CAPN2: variants seen among roughly 807,000 people sequenced by gnomAD.
CAPN2 encodes the protein calpain-2 catalytic subunit.
Under a neutral mutation model 102.3 loss-of-function variants are expected in CAPN2, and 92 were observed. The ratio of observed to expected loss-of-function variants is 0.90; its 90% CI spans 0.76 to 1.07. The LOEUF is 1.07. CAPN2 is among the 50% of genes least tolerant of loss of function. CAPN2 has a pLI of 0.00. For synonymous variants in CAPN2, 340 were observed against 355.4 expected (o/e 0.96, Z 0.49); for missense variants, 800 against 909.4 (o/e 0.88, Z 1.55).
At chr1:223,715,271 A>C (rs28370012) in intron 1 of CAPN2, among the ~76,000 whole-genome samples, 16,618 of 152,194 alleles carry the variant, frequency 0.11, 1,552 homozygotes, top group African/African-American at 0.23. Context: ...AGAGTAAAGG[A>C]ACTGGAAATT....
chr1:223,774,909 A>C lies in CAPN2; in HGVS notation c.*52A>C. On this transcript the variant is annotated 3_prime_UTR_variant, in exon 21 of 21. Transcript: ENST00000295006. ...TCTCATGATGGAAAATCAGCCAAGG[A>C]CTAAGCTTCCATAGAAATACACTTT... The C allele has an allele frequency of 6.6e-7, 1 of 1,504,940 alleles. No individual in the cohort carries two copies. Among genetic ancestry groups the C allele is most frequent in the South Asian group, 1.2e-5 (1 of 86,878 alleles). The allele number at this position is 1,504,940 out of a possible 1,614,324, so 93.2% of individuals were successfully genotyped here. A position where few individuals can be genotyped will look rare whatever the true frequency, so the allele number is the denominator to read the frequency against.
intron 4 of CAPN2, among the ~76,000 whole-genome samples, chr1:223,746,772 G>C (rs1022340586): frequency 2.6e-5 from 4 of 152,032 alleles, no homozygotes; most frequent in Non-Finnish European, 5.9e-5. Flanking sequence ...GAGCTACCGC[G>C]CCCGGCCTGA....
intron 16 of CAPN2, 112 bp downstream of exon 16, chr1:223,766,543 CT>C: frequency 2.3e-6 from 2 of 852,178 alleles, no homozygotes; most frequent in Non-Finnish European, 3.9e-6. Context: ...TTGTTCCCAA[CT>C]TGCTGAGTTG....
At position 223,730,010 on chromosome 1, in the gene CAPN2, C is replaced by CAAAA. The variant is rs57382658; in HGVS notation, c.307+12201_307+12204dup. On this transcript the variant is annotated intron_variant, in intron 2 of 20. Coordinates refer to ENST00000295006, the MANE Select transcript of CAPN2 (RefSeq NM_001748.5). ...AGAGCAAGACTCGCTCCCAAAAAACCAAAAAAAAAAAAAAAAAAAAAAAAA... is the reference window on the plus strand; with the variant it reads ...AGAGCAAGACTCGCTCCCAAAAAACCAAAAAAAAAAAAAAAAAAAAAAAAAAAAA... Among the ~76,000 whole-genome samples, 37 of 79,052 alleles carry CAAAA rather than the reference C, an allele frequency of 4.7e-4. 1 individual carries two copies. Among genetic ancestry groups the CAAAA allele is most frequent in the East Asian group, 1.4e-3 (3 of 2,206 alleles). 51.9% of individuals were successfully genotyped at this position (79,052 alleles called of 152,430 possible). A position where few individuals can be genotyped will look rare whatever the true frequency, so the allele number is the denominator to read the frequency against.
rs1661332733 is a variant in CAPN2, at chr1:223,766,431, T to C, written c.1755T>C (p.Asp585=). 6.2e-7 allele frequency: 1 copy of C among 1,609,510 alleles called. No individual in the cohort carries two copies. The highest frequency in any genetic ancestry group is 8.5e-7 in the Non-Finnish European group (1 of 1,175,754). Residue 585 remains aspartate, a splice_region_variant and synonymous_variant, in exon 16 of 21, where the codon GAT becomes GAC. Coordinates refer to ENST00000295006, the MANE Select transcript of CAPN2 (RefSeq NM_001748.5). Reference sequence around the variant, plus strand: ...GCAAAATTATGGTTGACATGCTAGATGTATCCTTTAATGTGCTCCAGGGAA... The same window carrying C: ...GCAAAATTATGGTTGACATGCTAGACGTATCCTTTAATGTGCTCCAGGGAA... ...ETCKIMVDML[D]SDGSGKLGLK...
At chr1:223,764,895 GTAAC>G (rs1208989283) in intron 15 of CAPN2, among the ~76,000 whole-genome samples, 16 of 152,264 alleles carry the variant, frequency 1.1e-4, no homozygotes, top group Non-Finnish European at 1.8e-4. Flanking sequence ...GCCACATCTT[GTAAC>G]TAACTATTTC....
At chr1:223,750,426 A>T (rs1660856880) in intron 6 of CAPN2, among the ~76,000 whole-genome samples, 1 of 152,198 alleles carries the variant, frequency 6.6e-6, no homozygotes, top group Non-Finnish European at 1.5e-5. Flanking sequence ...GTCATCTATT[A>T]TAAAGTCTAT....
rs60366533 is a variant in CAPN2, at chr1:223,746,475, C to CTTTTTTTTTTTTT, written c.561-513_561-501dup. 8.6e-3 allele frequency among the ~76,000 whole-genome samples: 931 copies of CTTTTTTTTTTTTT among 108,404 alleles called. 60 individuals carry two copies. The highest frequency in any genetic ancestry group is 0.012 in the Non-Finnish European group (661 of 57,220). The allele number at this position is 108,404 out of a possible 152,430, so 71.1% of individuals were successfully genotyped here. On this transcript the variant is annotated intron_variant, in intron 4 of 20. Coordinates refer to ENST00000295006, the MANE Select transcript of CAPN2 (RefSeq NM_001748.5). ...TCCGACTCTAAGGTTCTACGAGAAT[C>CTTTTTTTTTTTTT]TTTTTTTTTTTTTTTTTTTTTAATA...
chr1:223,767,587 C>T (rs1228518272), intron 16 of CAPN2, among the ~76,000 whole-genome samples: 5 of 151,338 alleles, frequency 3.3e-5, no homozygotes, highest in Admixed American at 2.0e-4. Flanking sequence ...TCCAGTCTAT[C>T]GTTGTTGGAC....
At chr1:223,717,035 G>T (rs755776283) in intron 1 of CAPN2, among the ~76,000 whole-genome samples, 1 of 152,108 alleles carries the variant, frequency 6.6e-6, no homozygotes, top group South Asian at 2.1e-4. Context: ...TGTAAAAGGG[G>T]GATAATACCC....
In CAPN2 at chr1:223,774,892, T is replaced by C. The variant is rs1486018534; in HGVS notation, c.*35T>C. ...TAATCTGCCTGAAGACTTCTCATGATGGAAAATCAGCCAAGGACTAAGCTT... is the reference window on the plus strand; with the variant it reads ...TAATCTGCCTGAAGACTTCTCATGACGGAAAATCAGCCAAGGACTAAGCTT... On this transcript the variant is annotated 3_prime_UTR_variant, in exon 21 of 21. Transcript: ENST00000295006. 2.5e-6 allele frequency: 4 copies of C among 1,595,738 alleles called. No homozygotes were observed. The Admixed American group carries it at 5.0e-5, about 20-fold the overall frequency.
At chr1:223,770,579 G>A (rs1014269301) in intron 18 of CAPN2, 54 bp downstream of exon 18, 25 of 1,167,794 alleles carry the variant, frequency 2.1e-5, no homozygotes, top group Non-Finnish European at 3.0e-5. Flanking sequence ...TGTAGAATAT[G>A]TGAACACTCA....
chr1:223,771,851 G>T lies in CAPN2; in HGVS notation c.1946G>T (p.Arg649Leu). The T allele has an allele frequency of 6.2e-7, 1 of 1,614,112 alleles. No individual in the cohort carries two copies. Among genetic ancestry groups the T allele is most frequent in the Non-Finnish European group, 8.5e-7 (1 of 1,179,968 alleles). ...CAACTCCACCAAGTCATCGTTGCTC[G>T]GTTTGCAGATGACCAGCTCATCATC... ...PCQLHQVIVA[R>L]FADDQLIIDF... Residue 649 changes from arginine to leucine, a missense_variant, in exon 19 of 21, where the codon CGG becomes CTG. Arg to Leu is a moderately radical substitution (Grantham distance 102). Coordinates refer to ENST00000295006, the MANE Select transcript of CAPN2 (RefSeq NM_001748.5).
In CAPN2 at chr1:223,761,609, CT is replaced by C; in HGVS notation, c.1560del (p.Glu521LysfsTer37). 1.2e-6 allele frequency: 2 copies of C among 1,612,092 alleles called. No individual in the cohort carries two copies. The highest frequency in any genetic ancestry group is 1.7e-6 in the Non-Finnish European group (2 of 1,178,372). On this transcript the variant is annotated frameshift_variant, in exon 13 of 21. Coordinates refer to ENST00000295006, the MANE Select transcript of CAPN2 (RefSeq NM_001748.5). LOFTEE classifies it high-confidence loss of function. ...QAVDDEIEAN[L>X]EEFDISEDDI... Reference sequence around the variant, plus strand: ...TGTCGATGATGAAATCGAGGCCAATCTTGAAGAGGTATTTGTAACTCTTTGA... The same window carrying C: ...TGTCGATGATGAAATCGAGGCCAATCTGAAGAGGTATTTGTAACTCTTTGA...
Position 223,774,815 on chromosome 1 carries a change from T to C in CAPN2, c.2080-19T>C. 6.2e-7 allele frequency: 1 copy of C among 1,613,024 alleles called. No homozygotes were observed. Among genetic ancestry groups the C allele is most frequent in the Non-Finnish European group, 8.5e-7 (1 of 1,179,316 alleles). On this transcript the variant is annotated intron_variant, in intron 20 of 20. Transcript: ENST00000295006. ...TAAAAGTGGTCACTGAGCTGACTTT[T>C]TTTTTTCCTTCCTCACAGTGGCTCT...
Position 223,745,364 on chromosome 1 carries a change from A to G in CAPN2, c.485A>G (p.Asp162Gly). 3 of 1,614,132 alleles carry G rather than the reference A, an allele frequency of 1.9e-6. No individual in the cohort carries two copies. Among genetic ancestry groups the G allele is most frequent in the Non-Finnish European group, 2.5e-6 (3 of 1,180,002 alleles). ...VVVDDRLPTK[D>G]GELLFVHSAE... ...GTGGATGACAGGCTGCCCACCAAGG[A>G]CGGGGAGCTGCTCTTTGTGCATTCA... Residue 162 changes from aspartate (D) to glycine (G), a missense_variant, in exon 4 of 21, where the codon GAC becomes GGC. Physicochemically the swap from Asp to Gly is moderately conservative, Grantham distance 94. Transcript: ENST00000295006.
chr1:223,728,065 C>T (rs1660243510), intron 2 of CAPN2, among the ~76,000 whole-genome samples: 1 of 152,028 alleles, frequency 6.6e-6, no homozygotes, highest in African/African-American at 2.4e-5. Flanking sequence ...ATCCCTGGCT[C>T]CCTGGTATGC....
In CAPN2 at chr1:223,737,181, G is replaced by A. The variant is rs2102789567; in HGVS notation, c.308-6919G>A. ...ATAAGGCTCGTGGGGCACCCAGGTG[G>A]GCTTTTTCTGGAGAGGAAGCAAGGC... On this transcript the variant is annotated intron_variant, in intron 2 of 20. Coordinates refer to ENST00000295006, the MANE Select transcript of CAPN2 (RefSeq NM_001748.5). Among the ~76,000 whole-genome samples, 5 of 152,286 alleles carry A rather than the reference G, an allele frequency of 3.3e-5. No homozygotes were observed. The Middle Eastern group carries it at 0.017, about 518-fold the overall frequency.
intron 12 of CAPN2, 40 bp from the exon 13 acceptor site, chr1:223,761,541 G>A (rs371829459): frequency 3.3e-5 from 53 of 1,582,726 alleles, no homozygotes; most frequent in Middle Eastern, 1.7e-4. Context: ...TTTTGCCCTC[G>A]CCTGCCTTCC....
Sources: gnomAD v4.1 joint callset for allele counts (sites outside exome capture counted in the v4.1 genomes callset) on GRCh38, gnomAD v4.1.1 for gene constraint, MANE v1.5 for transcripts, NCBI Gene and HGNC (gene_info 2026-07-23, HGNC 2026-07-21) for gene names.